Variants in EGLN1 observed in about 807,000 individuals in gnomAD.
EGLN1 encodes the protein egl-9 family hypoxia inducible factor 1.
Under a neutral mutation model 38.3 loss-of-function variants are expected in EGLN1, and 17 were observed. That is an observed-to-expected ratio of 0.44 (90% CI 0.30 to 0.67). The LOEUF is 0.67. EGLN1 is among the 30% of genes least tolerant of loss of function. The pLI is 0.08. For synonymous variants in EGLN1, 283 were observed against 257.5 expected (o/e 1.10, Z -0.95); for missense variants, 477 against 603.3 (o/e 0.79, Z 2.19).
chr1:231,397,369 G>C (rs1344824795), intron 1 of EGLN1, among the ~76,000 whole-genome samples: 1 of 152,150 alleles, frequency 6.6e-6, no homozygotes, highest in East Asian at 1.9e-4. Flanking sequence ...TTACGTTCAA[G>C]GAAGACACAC....
At position 231,369,673 on chromosome 1, in the gene EGLN1, T is replaced by TA. The variant is rs373627497; in HGVS notation, c.1148+888dup. 6.9e-4 allele frequency: 587 copies of TA among 851,582 alleles called. 6 individuals carry two copies. The African/African-American group carries it at 9.6e-3, about 14-fold the overall frequency. The allele number at this position is 851,582 out of a possible 1,614,324, so 52.8% of individuals were successfully genotyped here. A position where few individuals can be genotyped will look rare whatever the true frequency, so the allele number is the denominator to read the frequency against. On this transcript the variant is annotated intron_variant, in intron 3 of 4. Coordinates refer to ENST00000366641, the MANE Select transcript of EGLN1 (RefSeq NM_022051.3). The stretch of plus-strand genomic sequence containing the variant: ...AAGGCACAGCTGATAATCAAGTCGT[T>TA]AGAGTCAACCATCATTACTAAAGCC...
In EGLN1 at chr1:231,381,662, T is replaced by C. The variant is rs117832415; in HGVS notation, c.892-7563A>G. 3.4e-4 allele frequency among the ~76,000 whole-genome samples: 52 copies of C among 152,350 alleles called. 1 individual carries two copies. In the East Asian group the frequency reaches 9.6e-3, roughly 28 times the overall value. On this transcript the variant is annotated intron_variant, in intron 1 of 4. Coordinates refer to ENST00000366641, the MANE Select transcript of EGLN1 (RefSeq NM_022051.3). ...CCTTAGTACTCTCTGAGCTTTCATTTCCCTTTTAGTGAAGAATTGATAAAG... is the reference window on the plus strand; with the variant it reads ...CCTTAGTACTCTCTGAGCTTTCATTCCCCTTTTAGTGAAGAATTGATAAAG...
chr1:231,407,531 T>C (rs1052812649), intron 1 of EGLN1, among the ~76,000 whole-genome samples: 10 of 152,324 alleles, frequency 6.6e-5, no homozygotes, highest in African/African-American at 2.2e-4. Context: ...ACAAGCTTTT[T>C]TCTTCTAGGT....
At chr1:231,368,684 A>G (rs1687728986) in intron 3 of EGLN1, among the ~76,000 whole-genome samples, 1 of 152,256 alleles carries the variant, frequency 6.6e-6, no homozygotes, top group Non-Finnish European at 1.5e-5. Flanking sequence ...TGGCCAGTGG[A>G]CACAGGGGAA....
intron 1 of EGLN1, among the ~76,000 whole-genome samples, chr1:231,404,695 C>T (rs555742241): frequency 2.7e-4 from 41 of 152,160 alleles, no homozygotes; most frequent in South Asian, 1.5e-3. Context: ...GCATCCATCA[C>T]TAGTTTTTAA....
rs1393704554 is a variant in EGLN1 at position 231,364,623 on chromosome 1, T to C, written c.*1788A>G. On this transcript the variant is annotated 3_prime_UTR_variant, in exon 5 of 5. Transcript: ENST00000366641. ...CACTACACAATTTTTTTCCATGTTT[T>C]ACATGAATAGCAATGGCAATCTTTT... The C allele has an allele frequency of 1.3e-5, 2 of 152,246 alleles. No individual in the cohort carries two copies. Among genetic ancestry groups the C allele is most frequent in the African/African-American group, 2.4e-5 (1 of 41,462 alleles). 9.4% of individuals were successfully genotyped at this position (152,246 alleles called of 1,614,324 possible).
rs530708271 is a variant in EGLN1 at position 231,403,942 on chromosome 1, A to C, written c.891+17056T>G. Among the ~76,000 whole-genome samples, 9 of 152,174 alleles carry C rather than the reference A, an allele frequency of 5.9e-5. No homozygotes were observed. In the South Asian group the frequency reaches 1.9e-3, roughly 32 times the overall value. ...TACCTAGATATTATATATTTCTATA[A>C]GAAAAACATAGGTATGAATACATGT... On this transcript the variant is annotated intron_variant, in intron 1 of 4. Coordinates refer to ENST00000366641, the MANE Select transcript of EGLN1 (RefSeq NM_022051.3).
At chr1:231,398,891 A>T (rs1354345508) in intron 1 of EGLN1, among the ~76,000 whole-genome samples, 1 of 152,244 alleles carries the variant, frequency 6.6e-6, no homozygotes, top group Non-Finnish European at 1.5e-5. Context: ...AATCAATTCA[A>T]TGCTAAGGTA....
chr1:231,380,095 A>G (rs1250207726), intron 1 of EGLN1, among the ~76,000 whole-genome samples: 7 of 152,170 alleles, frequency 4.6e-5, no homozygotes. Flanking sequence ...CTGGAAATGT[A>G]AATTTAGGAG....
At chr1:231,367,726 C>T in intron 3 of EGLN1, 90 bp from the exon 4 acceptor site, 1 of 1,096,618 alleles carries the variant, frequency 9.1e-7, no homozygotes, top group Non-Finnish European at 1.4e-6. Flanking sequence ...ACTTGTAATG[C>T]CAAAATTATG....
chr1:231,388,680 C>T (rs142060743), intron 1 of EGLN1, among the ~76,000 whole-genome samples: 3 of 151,700 alleles, frequency 2.0e-5, no homozygotes, highest in African/African-American at 7.3e-5. Flanking sequence ...TTTGAGACGG[C>T]GTCTCTCTCT....
intron 1 of EGLN1, among the ~76,000 whole-genome samples, chr1:231,399,563 G>T (rs995069625): frequency 6.6e-6 from 1 of 152,162 alleles, no homozygotes; most frequent in Non-Finnish European, 1.5e-5. Context: ...GCCAACAGAG[G>T]AGAATAAAGC....
intron 4 of EGLN1, 34 bp from the exon 5 acceptor site, chr1:231,366,509 TTC>T: frequency 6.3e-7 from 1 of 1,595,028 alleles, no homozygotes; most frequent in Non-Finnish European, 8.6e-7. Context: ...TTTTCATTCA[TTC>T]ACTAAGCACC....
intron 1 of EGLN1, chr1:231,420,457 CAG>C (rs1052423340): frequency 3.9e-5 from 7 of 180,246 alleles, no homozygotes; most frequent in African/African-American, 7.2e-5. Context: ...TTCCTGAATA[CAG>C]AGTCTTTCGA....
chr1:231,391,572 G>A lies in EGLN1; in HGVS notation c.892-17473C>T, dbSNP rs527463998. On this transcript the variant is annotated intron_variant, in intron 1 of 4. Coordinates refer to ENST00000366641, the MANE Select transcript of EGLN1 (RefSeq NM_022051.3). ...GAAAACCAAAATAAAATGGTACTCG[G>A]TAACTTTTATTAGTCTAAAAACTCA... Among the ~76,000 whole-genome samples, 7 of 152,160 alleles carry A rather than the reference G, an allele frequency of 4.6e-5. No individual in the cohort carries two copies. The South Asian group carries it at 1.5e-3, about 32-fold the overall frequency.
intron 1 of EGLN1, among the ~76,000 whole-genome samples, chr1:231,380,733 C>T (rs927864849): frequency 2.0e-5 from 3 of 152,150 alleles, no homozygotes; most frequent in Non-Finnish European, 4.4e-5. Flanking sequence ...TTTGCCAACC[C>T]AGCATAGTAA....
chr1:231,379,746 A>T (rs970419720), intron 1 of EGLN1, among the ~76,000 whole-genome samples: 1 of 151,796 alleles, frequency 6.6e-6, no homozygotes, highest in Non-Finnish European at 1.5e-5. Flanking sequence ...CTTCGCAGAC[A>T]TGGGGAGAAC....
In EGLN1 at chr1:231,366,421, T is replaced by A; in HGVS notation, c.1271A>T (p.Asp424Val). The change falls in exon 5 of 5, where the codon GAC (aspartate) becomes GTC (valine). Residue 424 changes from aspartate (D) to valine (V), a missense_variant. By Grantham distance (152) the Asp-to-Val change is radical. This residue lies in a region of EGLN1 where 59 missense variants were observed against 119.0 expected (regional missense o/e 0.50). Coordinates refer to ENST00000366641, the MANE Select transcript of EGLN1 (RefSeq NM_022051.3). ...GCTGGATCAAAGGCTCTAGAAGACG[T>A]CTTTACCGACCGAATCTGAAGGTTT... Reference protein sequence around the residue: ...LNKPSDSVGKDVF With the variant: ...LNKPSDSVGKVVF The A allele has an allele frequency of 1.2e-6, 2 of 1,613,978 alleles. No individual in the cohort carries two copies. Among genetic ancestry groups the A allele is most frequent in the African/African-American group, 2.7e-5 (2 of 75,020 alleles).
intron 1 of EGLN1, among the ~76,000 whole-genome samples, chr1:231,398,094 A>G (rs914405623): frequency 1.3e-5 from 2 of 152,262 alleles, no homozygotes; most frequent in Admixed American, 6.5e-5. Context: ...TTGTAATTGC[A>G]TAATTTGTAC....
Sources: allele counts gnomAD v4.1 joint callset (sites outside exome capture counted in the v4.1 genomes callset), GRCh38; gene constraint gnomAD v4.1.1; regional missense constraint gnomAD v4.1.1; transcripts MANE v1.5; gene names NCBI Gene and HGNC (gene_info 2026-07-23, HGNC 2026-07-21).